The following AFAP1 variants were observed in gnomAD, a reference collection of about 807,000 sequenced individuals.
The protein encoded by AFAP1 is actin filament associated protein 1.
A neutral mutation model predicts 93.9 loss-of-function variants in AFAP1; 75 were observed. The ratio of observed to expected loss-of-function variants is 0.80; its 90% CI spans 0.66 to 0.97. AFAP1 has a LOEUF of 0.97. AFAP1 is among the 50% of genes least tolerant of loss of function. AFAP1 has a pLI of 0.00. For missense variants in AFAP1, 1,201 were observed against 1,050.8 expected, an observed-to-expected ratio of 1.14 and a Z score of -1.98; for synonymous variants, 517 against 430.7, an observed-to-expected ratio of 1.20 and a Z score of -2.48.
At position 7,868,695 on chromosome 4, in the gene AFAP1, T is replaced by C; in HGVS notation, c.152A>G (p.Gln51Arg). 6.2e-7 allele frequency: 1 copy of C among 1,613,570 alleles called. No homozygotes were observed. The highest frequency in any genetic ancestry group is 1.7e-5 in the Admixed American group (1 of 60,016). ...SKGFDVKDHA[Q>R]KQETANSLPA... is the part of the protein sequence containing the mutation. ...CAGGCTGTTAGCGGTCTCCTGCTTC[T>C]GAGCATGGTCCTTCACATCAAAACC... The change falls in exon 3 of 18, where the codon CAG becomes CGG. Residue 51 changes from glutamine (Q) to arginine (R), a missense_variant. Coordinates refer to ENST00000420658, the MANE Select transcript of AFAP1 (RefSeq NM_001134647.2).
chr4:7,893,560 G>A (rs373481015), intron 1 of AFAP1, among the ~76,000 whole-genome samples: 3 of 126,620 alleles, frequency 2.4e-5, no homozygotes, highest in Non-Finnish European at 3.2e-5. Context: ...CAGCCTGGGC[G>A]ACAGAGTGGG....
At chr4:7,876,558 C>T (rs1358297770) in intron 1 of AFAP1, among the ~76,000 whole-genome samples, 1 of 152,190 alleles carries the variant, frequency 6.6e-6, no homozygotes, top group Admixed American at 6.5e-5. Context: ...GGAGGACGAA[C>T]ACACAGAGGT....
chr4:7,881,217 CCT>C (rs981954298), intron 1 of AFAP1, among the ~76,000 whole-genome samples: 1 of 152,110 alleles, frequency 6.6e-6, no homozygotes, highest in Non-Finnish European at 1.5e-5. Flanking sequence ...TCCCCGCTCC[CCT>C]GTCTAGTCTA....
At chr4:7,856,105 G>A (rs1275560288) in intron 3 of AFAP1, among the ~76,000 whole-genome samples, 3 of 152,210 alleles carry the variant, frequency 2.0e-5, no homozygotes, top group African/African-American at 7.2e-5. Context: ...CACGAGTGAG[G>A]CTTGCCCACA....
intron 9 of AFAP1, among the ~76,000 whole-genome samples, chr4:7,804,172 A>T (rs1394321648): frequency 6.6e-6 from 1 of 152,192 alleles, no homozygotes; most frequent in African/African-American, 2.4e-5. Flanking sequence ...TGTCCAGGAA[A>T]GGTTACGCTG....
At chr4:7,786,501 T>A (rs375866046) in intron 11 of AFAP1, among the ~76,000 whole-genome samples, 190 bp from the exon 12 acceptor site, 1 of 152,220 alleles carries the variant, frequency 6.6e-6, no homozygotes, top group African/African-American at 2.4e-5. Flanking sequence ...AAAATTAGGA[T>A]GGCACATAAT....
chr4:7,776,398 GTGCGTGTGCA>G (rs1293236994), intron 14 of AFAP1: 2 of 151,994 alleles, frequency 1.3e-5, no homozygotes, highest in Non-Finnish European at 2.9e-5. Context: ...GTGTGTGTGC[GTGCGTGTGCA>G]TGCGTGTTTT....
chr4:7,797,019 C>T (rs1718491016), intron 10 of AFAP1, among the ~76,000 whole-genome samples: 1 of 152,040 alleles, frequency 6.6e-6, no homozygotes, highest in Non-Finnish European at 1.5e-5. Flanking sequence ...GAGATTGCGC[C>T]ACTGCACTCC....
intron 8 of AFAP1, among the ~76,000 whole-genome samples, chr4:7,812,193 G>A (rs972576053): frequency 6.6e-6 from 1 of 152,074 alleles, no homozygotes; most frequent in South Asian, 2.1e-4. Context: ...CCGCATTCCC[G>A]TGAGCTTTAC....
intron 11 of AFAP1, 135 bp downstream of exon 11, chr4:7,793,546 T>G (rs889073476): frequency 5.7e-6 from 6 of 1,060,408 alleles, no homozygotes; most frequent in African/African-American, 3.2e-5. Context: ...AAAATTTGGC[T>G]TAAGATAATG....
At chr4:7,836,800 G>A (rs1243209064) in intron 6 of AFAP1, among the ~76,000 whole-genome samples, 1 of 151,858 alleles carries the variant, frequency 6.6e-6, no homozygotes, top group Non-Finnish European at 1.5e-5. Context: ...CTATGGTGAT[G>A]GCTGCACAAC....
Position 7,774,771 on chromosome 4 carries a change from T to A in AFAP1, c.2030A>T (p.Lys677Ile). The A allele has an allele frequency of 6.2e-7, 1 of 1,614,230 alleles. No individual in the cohort carries two copies. The change falls in exon 15 of 18, where the codon AAA becomes ATA. Residue 677 changes from lysine to isoleucine, a missense_variant. Physicochemically the swap from Lys to Ile is moderately radical, Grantham distance 102. Transcript: ENST00000420658. ...CACTTCAATAGCCGCTCGAAGGTCT[T>A]TTCTTTCCTTGCGGAGCTGGGCCAG... ...NRLAQLRKER[K>I]DLRAAIEVNA...
chr4:7,771,752 T>C (rs1715469833), intron 16 of AFAP1, among the ~76,000 whole-genome samples: 1 of 152,048 alleles, frequency 6.6e-6, no homozygotes, highest in Non-Finnish European at 1.5e-5. Context: ...GGGTTTGTGG[T>C]TTGGGGACAG....
intron 5 of AFAP1, 129 bp from the exon 6 acceptor site, chr4:7,838,832 G>A: frequency 1.1e-5 from 9 of 840,330 alleles, no homozygotes; most frequent in Non-Finnish European, 1.5e-5. Flanking sequence ...AGATGAGCAG[G>A]TTCACACACA....
intron 1 of AFAP1, among the ~76,000 whole-genome samples, chr4:7,914,099 G>C (rs1022523372): frequency 6.6e-6 from 1 of 151,254 alleles, no homozygotes; most frequent in Non-Finnish European, 1.5e-5. Context: ...CTGTCGCCCA[G>C]GCTGGAGTGC....
Position 7,883,856 on chromosome 4 carries a change from AC to A in AFAP1, c.-2-11777del, listed in dbSNP as rs1004904097. 8.1e-4 allele frequency among the ~76,000 whole-genome samples: 123 copies of A among 152,246 alleles called. 6 individuals are homozygous for A. The highest frequency in any genetic ancestry group is 1.5e-5 in the Non-Finnish European group (1 of 68,044). Reference sequence around the variant, plus strand: ...AGATGTCCCCTTGCCTTTGGATAGGACAACTTAACATCAAAAAGATGTCAAT... The same window carrying A: ...AGATGTCCCCTTGCCTTTGGATAGGAAACTTAACATCAAAAAGATGTCAAT... On this transcript the variant is annotated intron_variant, in intron 1 of 17. Transcript: ENST00000420658.
At chr4:7,931,831 G>C (rs1721083486) in intron 1 of AFAP1, among the ~76,000 whole-genome samples, 1 of 152,078 alleles carries the variant, frequency 6.6e-6, no homozygotes, top group Non-Finnish European at 1.5e-5. Flanking sequence ...CTGAAAGCCA[G>C]GTTAAAAACC....
At chr4:7,921,329 G>A (rs1413477049) in intron 1 of AFAP1, among the ~76,000 whole-genome samples, 3 of 151,618 alleles carry the variant, frequency 2.0e-5, no homozygotes, top group Non-Finnish European at 2.9e-5. Flanking sequence ...GATTACAGGC[G>A]CCCGCCACCA....
At position 7,881,537 on chromosome 4, in the gene AFAP1, C is replaced by A. The variant is rs1415734009; in HGVS notation, c.-2-9457G>T. 3.3e-5 allele frequency among the ~76,000 whole-genome samples: 5 copies of A among 152,338 alleles called. No homozygotes were observed. In the East Asian group the frequency reaches 9.6e-4, roughly 29 times the overall value. ...GTGGCTCCCACCTGTAATCCCAACACTTTGGGAGGCCAAGGTGGGCAGATC... is the reference window on the plus strand; with the variant it reads ...GTGGCTCCCACCTGTAATCCCAACAATTTGGGAGGCCAAGGTGGGCAGATC... On this transcript the variant is annotated intron_variant, in intron 1 of 17. Transcript: ENST00000420658.
Sources: allele counts gnomAD v4.1 joint callset (sites outside exome capture counted in the v4.1 genomes callset), GRCh38; gene constraint gnomAD v4.1.1; transcripts MANE v1.5; gene names NCBI Gene and HGNC (gene_info 2026-07-23, HGNC 2026-07-21).